TENM2: variants seen among roughly 807,000 people sequenced by gnomAD.
TENM2 encodes the protein teneurin transmembrane protein 2.
Under a neutral mutation model 245.2 loss-of-function variants are expected in TENM2, and 52 were observed. The ratio of observed to expected loss-of-function variants is 0.21; its 90% CI spans 0.17 to 0.27. The LOEUF is 0.27. TENM2 is among the 10% of genes least tolerant of loss of function. The pLI is 1.00. For missense variants in TENM2, 3,046 were observed against 3,666.8 expected (o/e 0.83, Z 4.37); for synonymous variants, 1,363 against 1,438.9 (o/e 0.95, Z 1.19).
intron 2 of TENM2, among the ~76,000 whole-genome samples, chr5:167,379,914 A>G (rs1760993777): frequency 1.4e-5 from 2 of 142,608 alleles, no homozygotes; most frequent in South Asian, 2.2e-4. Flanking sequence ...AAAACAAAAC[A>G]AAATTTAAAA....
At chr5:168,224,157 G>A (rs1207469925) in intron 23 of TENM2, among the ~76,000 whole-genome samples, 1 of 152,188 alleles carries the variant, frequency 6.6e-6, no homozygotes, top group Non-Finnish European at 1.5e-5. Flanking sequence ...TGCCTGAGAG[G>A]TGGCTTCTTT....
the TENM2 span, among the ~76,000 whole-genome samples, chr5:167,150,810 A>G: frequency 0.026 from 3,924 of 152,304 alleles, 165 homozygotes; most frequent in African/African-American, 0.089. Context: ...CATTCAATGT[A>G]ATGACTGCAG....
At chr5:167,364,943 T>C (rs1010359124) in intron 1 of TENM2, among the ~76,000 whole-genome samples, 2 of 151,986 alleles carry the variant, frequency 1.3e-5, no homozygotes, top group Non-Finnish European at 2.9e-5. Context: ...TTGAAAAACG[T>C]TGTTGACCAC....
At chr5:167,574,475 G>C (rs1239579895) in intron 2 of TENM2, among the ~76,000 whole-genome samples, 3 of 152,188 alleles carry the variant, frequency 2.0e-5, no homozygotes, top group Non-Finnish European at 2.9e-5. Context: ...AGCAAGGGTA[G>C]AGTTTATTTA....
At chr5:167,446,163 A>C (rs567527547) in intron 2 of TENM2, among the ~76,000 whole-genome samples, 1 of 152,176 alleles carries the variant, frequency 6.6e-6, no homozygotes, top group Non-Finnish European at 1.5e-5. Context: ...CTGGGATAAA[A>C]TATTTATACA....
At chr5:167,622,244 GCACC>G (rs1778224605) in intron 2 of TENM2, among the ~76,000 whole-genome samples, 2 of 152,100 alleles carry the variant, frequency 1.3e-5, no homozygotes, top group Non-Finnish European at 2.9e-5. Context: ...ATGATGAGAA[GCACC>G]CCTCTGGGCT....
chr5:168,075,940 G>C (rs1191334334), intron 7 of TENM2, among the ~76,000 whole-genome samples: 2 of 152,078 alleles, frequency 1.3e-5, no homozygotes, highest in Admixed American at 1.3e-4. Context: ...GAACAGCACA[G>C]GAAAGACCCA....
chr5:168,198,763 A>G (rs2152527164), intron 15 of TENM2, 90 bp from the exon 18 acceptor site: 5 of 1,486,444 alleles, frequency 3.4e-6, no homozygotes, highest in Non-Finnish European at 4.6e-6. Context: ...TGCTCTGCCC[A>G]TCGCATGGCC....
In TENM2 at chr5:168,257,742, G is replaced by A. The variant is rs531659014; in HGVS notation, c.7433-2541G>A. Among the ~76,000 whole-genome samples the A allele has an allele frequency of 9.3e-3, 1,408 of 151,758 alleles. 23 individuals are homozygous for A. The highest frequency in any genetic ancestry group is 0.032 in the African/African-American group (1,344 of 41,412). ...GCGATTCTCCTGCCTCAGCCTCCCA[G>A]GTAGCTGGGATTACAGGCACCCGCC... On this transcript the variant is annotated intron_variant, in intron 27 of 28. Transcript: ENST00000518659.
intron 2 of TENM2, among the ~76,000 whole-genome samples, chr5:167,531,735 G>A (rs1771519200): frequency 6.6e-6 from 1 of 151,318 alleles, no homozygotes; most frequent in South Asian, 2.1e-4. Context: ...TTGTCTTTCT[G>A]TGCCTGGCTT....
At chr5:168,258,230 A>T (rs192361019) in intron 27 of TENM2, among the ~76,000 whole-genome samples, 8 of 152,112 alleles carry the variant, frequency 5.3e-5, no homozygotes, top group Non-Finnish European at 1.0e-4. Flanking sequence ...GGCCGGGTGC[A>T]GTGGCTCATG....
At chr5:167,863,342 C>T (rs776470608) in intron 2 of TENM2, among the ~76,000 whole-genome samples, 2 of 152,092 alleles carry the variant, frequency 1.3e-5, no homozygotes, top group Non-Finnish European at 1.5e-5. Flanking sequence ...TGGCCAGGCA[C>T]AGTGGCTCAC....
chr5:168,131,736 T>C (rs1400105759), intron 12 of TENM2, among the ~76,000 whole-genome samples: 1 of 152,166 alleles, frequency 6.6e-6, no homozygotes, highest in East Asian at 1.9e-4. Context: ...TGAAAACTTT[T>C]TTTTTCTTGT....
rs75072029 is a variant in TENM2, at chr5:168,189,928, T to C, written c.2570-409T>C. 6.2e-3 allele frequency among the ~76,000 whole-genome samples: 945 copies of C among 152,242 alleles called. 6 individuals carry two copies. Among genetic ancestry groups the C allele is most frequent in the Non-Finnish European group, 8.8e-3 (596 of 68,016 alleles). ...CAGCCAGAAATTCCATGCATTTTGA[T>C]TACTTGTGCACCCATTAGCACGGAC... is the stretch of plus-strand genomic sequence containing the variant. On this transcript the variant is annotated intron_variant, in intron 13 of 28. Coordinates refer to ENST00000518659, the Ensembl canonical transcript of TENM2.
At chr5:167,656,269 G>T (rs983642963) in intron 2 of TENM2, among the ~76,000 whole-genome samples, 1 of 152,284 alleles carries the variant, frequency 6.6e-6, no homozygotes, top group South Asian at 2.1e-4. Context: ...AACCATAGAA[G>T]AACCAGTGGA....
chr5:167,946,184 C>A (rs1779606835), intron 3 of TENM2, among the ~76,000 whole-genome samples: 1 of 152,170 alleles, frequency 6.6e-6, no homozygotes, highest in Non-Finnish European at 1.5e-5. Context: ...ATAAGGAAAT[C>A]TCTTCAAATA....
intron 2 of TENM2, among the ~76,000 whole-genome samples, chr5:167,710,275 C>T (rs1436815645): frequency 1.3e-5 from 2 of 152,124 alleles, no homozygotes; most frequent in Non-Finnish European, 2.9e-5. Context: ...TCAGTGAATA[C>T]ATACTATTTG....
chr5:167,801,885 A>T (rs1051609516), intron 2 of TENM2, among the ~76,000 whole-genome samples: 21 of 122,252 alleles, frequency 1.7e-4, no homozygotes, highest in Non-Finnish European at 3.2e-4. Flanking sequence ...TGTTGCTGTA[A>T]CAAAACATGC....
At chr5:167,100,776 T>C in the TENM2 span, among the ~76,000 whole-genome samples, 1 of 152,168 alleles carries the variant, frequency 6.6e-6, no homozygotes, top group Admixed American at 6.5e-5. Flanking sequence ...ATATCTGTTA[T>C]AAGCAGCAAT....
Sources: allele counts gnomAD v4.1 joint callset (sites outside exome capture counted in the v4.1 genomes callset), GRCh38; gene constraint gnomAD v4.1.1; transcripts MANE v1.5; gene names NCBI Gene and HGNC (gene_info 2026-07-23, HGNC 2026-07-21).